The following PPFIBP1 variants were observed in gnomAD, a reference collection of about 807,000 sequenced individuals.
PPFIBP1 encodes the protein PPFIB scaffold protein 1, also known as liprin-beta-1.
Under a neutral mutation model 137.8 loss-of-function variants are expected in PPFIBP1, and 112 were observed. The ratio of observed to expected loss-of-function variants is 0.81; its 90% CI spans 0.70 to 0.95. The LOEUF is 0.95. Among genes scored for constraint, PPFIBP1 ranks in the 40% least tolerant of loss-of-function variants. The pLI is 0.00. For synonymous variants in PPFIBP1, 378 were observed against 417.3 expected (o/e 0.91, Z 1.15); for missense variants, 1,083 against 1,196.6 (o/e 0.91, Z 1.40).
chr12:27,687,670 A>G (rs1006662230), intron 25 of PPFIBP1, among the ~76,000 whole-genome samples, 163 bp downstream of exon 25: 1 of 152,146 alleles, frequency 6.6e-6, no homozygotes, highest in Admixed American at 6.5e-5. Flanking sequence ...TTTTCTCTCC[A>G]TGACGGTTCC....
chr12:27,572,895 C>T (rs2050254308), intron 1 of PPFIBP1, among the ~76,000 whole-genome samples: 1 of 152,186 alleles, frequency 6.6e-6, no homozygotes, highest in Admixed American at 6.5e-5. Context: ...AGGGCTATCA[C>T]TTTCTTGTAC....
At chr12:27,614,243 G>C (rs1330386908) in intron 2 of PPFIBP1, among the ~76,000 whole-genome samples, 1 of 152,150 alleles carries the variant, frequency 6.6e-6, no homozygotes, top group African/African-American at 2.4e-5. Context: ...GCCAAGTGTA[G>C]TGGTACATAC....
chr12:27,649,715 A>T (rs991823719), intron 6 of PPFIBP1, among the ~76,000 whole-genome samples: 17 of 151,838 alleles, frequency 1.1e-4, no homozygotes, highest in African/African-American at 4.1e-4. Context: ...TATGCCCGGC[A>T]AATTTTTGTA....
chr12:27,661,676 A>T (rs1565963239), intron 11 of PPFIBP1, among the ~76,000 whole-genome samples: 1 of 152,196 alleles, frequency 6.6e-6, no homozygotes, highest in Non-Finnish European at 1.5e-5. Context: ...ACCAGGGGAC[A>T]TTTTCCCAAA....
At chr12:27,677,212 T>C (rs906714897) in intron 19 of PPFIBP1, 116 bp downstream of exon 19, 24 of 1,298,652 alleles carry the variant, frequency 1.8e-5, no homozygotes, top group Non-Finnish European at 2.6e-5. Flanking sequence ...GAAAATGTAG[T>C]TCTCTATTCC....
intron 24 of PPFIBP1, among the ~76,000 whole-genome samples, chr12:27,685,729 A>G (rs866912939): frequency 1.3e-5 from 2 of 152,172 alleles, no homozygotes; most frequent in Admixed American, 6.5e-5. Flanking sequence ...AAAGTCTGCA[A>G]TTTAGTCAAT....
In PPFIBP1 at chr12:27,692,078, C is replaced by T. The variant is rs1267723640; in HGVS notation, c.2865+150C>T. The T allele has an allele frequency of 4.6e-6, 3 of 655,352 alleles. No homozygotes were observed. In the East Asian group the frequency reaches 8.6e-5, roughly 19 times the overall value. 40.6% of individuals were successfully genotyped at this position (655,352 alleles called of 1,614,324 possible). A position where few individuals can be genotyped will look rare whatever the true frequency, so the allele number is the denominator to read the frequency against. Reference sequence around the variant, plus strand: ...GTGAACACTTAGAGATCACTTATATCTTCCAGGTACCATCCTAAGCACTTA... The same window carrying T: ...GTGAACACTTAGAGATCACTTATATTTTCCAGGTACCATCCTAAGCACTTA... On this transcript the variant is annotated intron_variant, in intron 28 of 29. Coordinates refer to ENST00000228425, the MANE Select transcript of PPFIBP1 (RefSeq NM_003622.4).
At chr12:27,590,365 A>G (rs2137253765) in intron 2 of PPFIBP1, among the ~76,000 whole-genome samples, 1 of 152,102 alleles carries the variant, frequency 6.6e-6, no homozygotes, top group Non-Finnish European at 1.5e-5. Context: ...TAGTACAGAC[A>G]GGGTTTTACC....
At chr12:27,661,620 T>G (rs1372332022) in intron 11 of PPFIBP1, among the ~76,000 whole-genome samples, 3 of 152,226 alleles carry the variant, frequency 2.0e-5, no homozygotes, top group Non-Finnish European at 4.4e-5. Context: ...TGTGTTCAGC[T>G]GATGTCATCA....
At chr12:27,663,368 A>C (rs1229763367) in intron 11 of PPFIBP1, among the ~76,000 whole-genome samples, 2 of 152,210 alleles carry the variant, frequency 1.3e-5, no homozygotes, top group African/African-American at 4.8e-5. Flanking sequence ...AGGGTCATGG[A>C]CAGAACCTGG....
At chr12:27,644,269 T>TTTTTTTTTTTTTTTTTTTTTC (rs1565926550) in intron 4 of PPFIBP1, among the ~76,000 whole-genome samples, 1 of 136,952 alleles carries the variant, frequency 7.3e-6, no homozygotes, top group Non-Finnish European at 1.6e-5. Flanking sequence ...TTTTTTTTTT[T>TTTTTTTTTTTTTTTTTTTTTC]AAGAGATAGG....
intron 19 of PPFIBP1, among the ~76,000 whole-genome samples, chr12:27,678,788 C>T (rs867988681): frequency 3.6e-5 from 5 of 140,078 alleles, no homozygotes; most frequent in South Asian, 4.6e-4. Context: ...ACCCAGTAGG[C>T]GGAGGTTGCA....
intron 2 of PPFIBP1, among the ~76,000 whole-genome samples, chr12:27,631,634 C>A (rs748551875): frequency 6.6e-6 from 1 of 152,122 alleles, no homozygotes; most frequent in Non-Finnish European, 1.5e-5. Flanking sequence ...AGAACTAGTT[C>A]TTCACTACTT....
chr12:27,564,901 T>A (rs1305192934), intron 1 of PPFIBP1, among the ~76,000 whole-genome samples: 1 of 152,172 alleles, frequency 6.6e-6, no homozygotes, highest in Non-Finnish European at 1.5e-5. Flanking sequence ...ACCCTTTGTC[T>A]TCCTGTCTTA....
At chr12:27,582,583 A>G (rs1008168198) in intron 2 of PPFIBP1, among the ~76,000 whole-genome samples, 4 of 152,156 alleles carry the variant, frequency 2.6e-5, no homozygotes, top group Non-Finnish European at 5.9e-5. Context: ...AAGAAATGAG[A>G]TTGGGTTCCC....
intron 2 of PPFIBP1, chr12:27,593,549 A>G: frequency 2.7e-6 from 1 of 368,608 alleles, no homozygotes; most frequent in South Asian, 2.4e-5. Context: ...GAGCTGCCGT[A>G]CAGCTGGAAA....
intron 2 of PPFIBP1, among the ~76,000 whole-genome samples, chr12:27,622,932 T>C (rs550982726): frequency 6.6e-6 from 1 of 152,372 alleles, no homozygotes; most frequent in African/African-American, 2.4e-5. Flanking sequence ...TTAGGAGTCG[T>C]GACCCATGGT....
chr12:27,675,355 T>C (rs1269903411), intron 17 of PPFIBP1, among the ~76,000 whole-genome samples: 3 of 152,228 alleles, frequency 2.0e-5, no homozygotes, highest in African/African-American at 4.8e-5. Context: ...GAGCCATGGA[T>C]GATAATATCA....
chr12:27,559,099 C>T (rs767078567), intron 1 of PPFIBP1, among the ~76,000 whole-genome samples: 3 of 152,110 alleles, frequency 2.0e-5, no homozygotes, highest in Non-Finnish European at 4.4e-5. Context: ...AACTCCTGGC[C>T]TCAAGCGATC....
Sources: gnomAD v4.1 joint callset for allele counts (sites outside exome capture counted in the v4.1 genomes callset) on GRCh38, gnomAD v4.1.1 for gene constraint, MANE v1.5 for transcripts, NCBI Gene and HGNC (gene_info 2026-07-23, HGNC 2026-07-21) for gene names.